Variants in EVI5L observed in about 807,000 individuals in gnomAD.
The protein encoded by EVI5L is ecotropic viral integration site 5 like, also known as EVI5-like protein.
Under a neutral mutation model 106.1 loss-of-function variants are expected in EVI5L, and 30 were observed. The observed-to-expected ratio is 0.28, with a 90% CI of 0.21 to 0.38. The LOEUF (loss-of-function observed/expected upper bound fraction) is 0.38. EVI5L is among the 10% of genes least tolerant of loss of function. The pLI is 1.00. For missense variants in EVI5L, 809 were observed against 1,098.0 expected (o/e 0.74, Z 3.72); for synonymous variants, 489 against 483.3 (o/e 1.01, Z -0.15).
At chr19:7,849,858 C>T in intron 5 of EVI5L, 139 bp from the exon 6 acceptor site, 1 of 692,006 alleles carries the variant, frequency 1.4e-6, no homozygotes, top group South Asian at 1.8e-5. Context: ...GACACAGGGA[C>T]CAACAGTGTG....
rs760633605 is a variant in EVI5L at position 7,846,659 on chromosome 19, C to T, written c.117C>T (p.Ala39=). ...GCCCCGATGAGCTGGAGCTGCTGGCCAAGCTCGAAGAGCAGAACCGGTGAG... is the reference window on the plus strand; with the variant it reads ...GCCCCGATGAGCTGGAGCTGCTGGCTAAGCTCGAAGAGCAGAACCGGTGAG... ...NLSPDELELL[A]KLEEQNRLLE... is the part of the protein sequence containing the mutation. Residue 39 remains alanine, a synonymous_variant, in exon 2 of 20, where the codon GCC becomes GCT. Coordinates refer to ENST00000538904, the MANE Select transcript of EVI5L (RefSeq NM_001159944.3). 17 of 1,613,138 alleles carry T rather than the reference C, an allele frequency of 1.1e-5. No homozygotes were observed. Among genetic ancestry groups the T allele is most frequent in the Non-Finnish European group, 1.4e-5 (17 of 1,179,784 alleles).
chr19:7,853,247 A>G (rs756342664), intron 9 of EVI5L, 26 bp from the exon 10 acceptor site: 2 of 1,613,926 alleles, frequency 1.2e-6, no homozygotes, highest in South Asian at 1.1e-5. Flanking sequence ...GCATGACAGT[A>G]ACCACGGGGC....
At position 7,862,407 on chromosome 19, in the gene EVI5L, T is replaced by A. The variant is rs199847334; in HGVS notation, c.1820T>A (p.Leu607His). The change falls in exon 17 of 20, where the codon CTT (leucine) becomes CAT (histidine). Residue 607 changes from leucine to histidine, a missense_variant. Leu to His is a moderately conservative substitution (Grantham distance 99). Transcript: ENST00000538904. The stretch of plus-strand genomic sequence containing the variant: ...TCCCAGGACCACATCCACCGCAACC[T>A]TCTGAACCGCGTGGAGGCGGAGCGC... ...LETQDHIHRN[L>H]LNRVEAERAA... 1.6e-5 allele frequency: 25 copies of A among 1,609,418 alleles called. No homozygotes were observed. Among genetic ancestry groups the A allele is most frequent in the Non-Finnish European group, 1.5e-5 (18 of 1,178,166 alleles).
chr19:7,855,956 G>T, intron 10 of EVI5L, 59 bp from the exon 11 acceptor site: 6 of 1,307,808 alleles, frequency 4.6e-6, no homozygotes, highest in Non-Finnish European at 5.9e-6. Context: ...GTAAATGAGG[G>T]GTGCATGTAG....
chr19:7,861,161 C>T (rs997012474), intron 14 of EVI5L, among the ~76,000 whole-genome samples: 2 of 152,184 alleles, frequency 1.3e-5, no homozygotes, highest in Non-Finnish European at 2.9e-5. Flanking sequence ...GGGACCCATT[C>T]ACACATTCAG....
Position 7,850,212 on chromosome 19 carries a change from G to C in EVI5L, c.753+90G>C. The stretch of plus-strand genomic sequence containing the variant: ...GGGAGCAGGATCGCAGAAGGGCAGG[G>C]CTGGCACCCTAGACCATACCCGGGC... On this transcript the variant is annotated intron_variant, in intron 6 of 19. Coordinates refer to ENST00000538904, the MANE Select transcript of EVI5L (RefSeq NM_001159944.3). This position sits in a 1 kb window ranked among gnomAD's most constrained non-coding sequence, Gnocchi z 5.4. 1 of 1,505,830 alleles carries C rather than the reference G, an allele frequency of 6.6e-7. No individual in the cohort carries two copies. The highest frequency in any genetic ancestry group is 8.9e-7 in the Non-Finnish European group (1 of 1,125,320). The allele number at this position is 1,505,830 out of a possible 1,614,324, so 93.3% of individuals were successfully genotyped here.
chr19:7,858,740 A>AAT lies in EVI5L; in HGVS notation c.1374+409_1374+410insAT. On this transcript the variant is annotated intron_variant, in intron 13 of 19. Coordinates refer to ENST00000538904, the MANE Select transcript of EVI5L (RefSeq NM_001159944.3). This position sits in a 1 kb window ranked among gnomAD's most constrained non-coding sequence, Gnocchi z 5.7. The stretch of plus-strand genomic sequence containing the variant: ...TGGGGGGCCAGCCATGGAGAATGGG[A>AAT]GCAGGGCAGTCCGGGACTGTTTGGG... 1 of 198,802 alleles carries AAT rather than the reference A, an allele frequency of 5.0e-6. No homozygotes were observed. Among genetic ancestry groups the AAT allele is most frequent in the Non-Finnish European group, 1.0e-5 (1 of 97,076 alleles). 12.3% of individuals were successfully genotyped at this position (198,802 alleles called of 1,614,324 possible). A position where few individuals can be genotyped will look rare whatever the true frequency, so the allele number is the denominator to read the frequency against.
chr19:7,852,954 C>T (rs957026877), intron 8 of EVI5L, 132 bp from the exon 9 acceptor site: 13 of 775,058 alleles, frequency 1.7e-5, no homozygotes, highest in Non-Finnish European at 2.6e-5. Flanking sequence ...ACACTGAGGA[C>T]ACGGCGTTGA....
rs941647223 is a variant in EVI5L, at chr19:7,854,292, A to AG, written c.1146+959_1146+960insG. Among the ~76,000 whole-genome samples the AG allele has an allele frequency of 1.0e-4, 14 of 138,792 alleles. 1 individual carries two copies. The highest frequency in any genetic ancestry group is 3.5e-4 in the African/African-American group (14 of 39,480). The allele number at this position is 138,792 out of a possible 152,430, so 91.1% of individuals were successfully genotyped here. On this transcript the variant is annotated intron_variant, in intron 10 of 19. Coordinates refer to ENST00000538904, the MANE Select transcript of EVI5L (RefSeq NM_001159944.3). ...GTGAGACTGTGTCTCAAAAAAAAAAAAAAAAGAAAAGAAAAGAAAAAAAAC... is the reference window on the plus strand; with the variant it reads ...GTGAGACTGTGTCTCAAAAAAAAAAAGAAAAAGAAAAGAAAAGAAAAAAAAC...
At chr19:7,840,371 G>A (rs984699618) in intron 1 of EVI5L, among the ~76,000 whole-genome samples, 1 of 152,130 alleles carries the variant, frequency 6.6e-6, no homozygotes, top group Admixed American at 6.5e-5. Context: ...CCAGCTACTC[G>A]GGAGGCTGAG....
chr19:7,843,127 CAT>C (rs1200424473), intron 1 of EVI5L, among the ~76,000 whole-genome samples: 11 of 95,592 alleles, frequency 1.2e-4, no homozygotes, highest in Non-Finnish European at 2.3e-4. Context: ...GTGTCATGTG[CAT>C]GTGTGTGTAT....
rs1345383650 is a variant in EVI5L at position 7,835,744 on chromosome 19, C to G, written c.-48+5363C>G. Reference sequence around the variant, plus strand: ...TTCTTGTTATCCAAGGGGCAGCTCACCTGTCAGTTGTCCGCCCACACCTTG... The same window carrying G: ...TTCTTGTTATCCAAGGGGCAGCTCAGCTGTCAGTTGTCCGCCCACACCTTG... On this transcript the variant is annotated intron_variant, in intron 1 of 19. Transcript: ENST00000538904. This position sits in a 1 kb window ranked among gnomAD's most constrained non-coding sequence, Gnocchi z 4.1. Among the ~76,000 whole-genome samples the G allele has an allele frequency of 6.6e-6, 1 of 152,184 alleles. No homozygotes were observed. The highest frequency in any genetic ancestry group is 2.4e-5 in the African/African-American group (1 of 41,434).
chr19:7,849,472 C>T, intron 5 of EVI5L, 142 bp downstream of exon 5: 2 of 926,816 alleles, frequency 2.2e-6, no homozygotes, highest in Non-Finnish European at 3.2e-6. Context: ...ACACCCGTGA[C>T]CTCTGCCAAT....
chr19:7,849,864 G>A (rs1979148882), intron 5 of EVI5L, 133 bp from the exon 6 acceptor site: 2 of 704,696 alleles, frequency 2.8e-6, no homozygotes, highest in Non-Finnish European at 4.8e-6. Context: ...GGGACCAACA[G>A]TGTGTCATGA....
chr19:7,848,046 G>A lies in EVI5L; in HGVS notation c.327+125G>A, dbSNP rs1042278666. On this transcript the variant is annotated intron_variant, in intron 3 of 19. Transcript: ENST00000538904. The surrounding 1 kb of genome is among the most constrained non-coding windows in gnomAD (Gnocchi z 4.8). Reference sequence around the variant, plus strand: ...TGGGCACAGCGGCAGCAGTGGAGATGTGCAGGCACTTTCAGGGTGTCCTGC... The same window carrying A: ...TGGGCACAGCGGCAGCAGTGGAGATATGCAGGCACTTTCAGGGTGTCCTGC... The A allele has an allele frequency of 3.8e-6, 4 of 1,050,086 alleles. No homozygotes were observed. Among genetic ancestry groups the A allele is most frequent in the Non-Finnish European group, 5.4e-6 (4 of 744,474 alleles). 65.0% of individuals were successfully genotyped at this position (1,050,086 alleles called of 1,614,324 possible). A position where few individuals can be genotyped will look rare whatever the true frequency, so the allele number is the denominator to read the frequency against.
At chr19:7,860,019 G>T (rs1979724328) in intron 13 of EVI5L, among the ~76,000 whole-genome samples, 1 of 152,230 alleles carries the variant, frequency 6.6e-6, no homozygotes, top group Non-Finnish European at 1.5e-5. Context: ...GGTCCAGGTG[G>T]CAGTGTCCAT....
chr19:7,864,835 T>A lies in EVI5L; in HGVS notation c.*1133T>A, dbSNP rs1419013760. 2.0e-5 allele frequency: 3 copies of A among 152,404 alleles called. No homozygotes were observed. In the East Asian group the frequency reaches 5.8e-4, roughly 30 times the overall value. 9.4% of individuals were successfully genotyped at this position (152,404 alleles called of 1,614,324 possible). The stretch of plus-strand genomic sequence containing the variant: ...CGCTTCCTAGCTGCCCACTTTTCAG[T>A]GTTACGAAGCCTGGGGACCGGGGCA... On this transcript the variant is annotated 3_prime_UTR_variant, in exon 20 of 20. Transcript: ENST00000538904. This position sits in a 1 kb window ranked among gnomAD's most constrained non-coding sequence, Gnocchi z 4.5.
At position 7,848,710 on chromosome 19, in the gene EVI5L, A is replaced by G. The variant is rs930036792; in HGVS notation, c.328-211A>G. On this transcript the variant is annotated intron_variant, in intron 3 of 19. Transcript: ENST00000538904. This position sits in a 1 kb window ranked among gnomAD's most constrained non-coding sequence, Gnocchi z 4.8. ...CTTGAGCCCAGGAGTTCAAGGCTGC[A>G]GGGAGCTATGATCGCACCACTGCAC... Among the ~76,000 whole-genome samples, 1 of 152,196 alleles carries G rather than the reference A, an allele frequency of 6.6e-6. No homozygotes were observed. Among genetic ancestry groups the G allele is most frequent in the African/African-American group, 2.4e-5 (1 of 41,458 alleles).
intron 1 of EVI5L, among the ~76,000 whole-genome samples, chr19:7,830,717 C>T (rs1309714158): frequency 7.2e-6 from 1 of 138,210 alleles, no homozygotes; most frequent in Admixed American, 7.2e-5. Context: ...GGCTCCCCAT[C>T]CCCCCACTCC....
Sources: gnomAD v4.1 joint callset for allele counts (sites outside exome capture counted in the v4.1 genomes callset) on GRCh38, gnomAD v4.1.1 for gene constraint, Gnocchi (gnomAD v3.1) non-coding constraint, MANE v1.5 for transcripts, NCBI Gene and HGNC (gene_info 2026-07-23, HGNC 2026-07-21) for gene names.